MBNL1: variants seen among roughly 807,000 people sequenced by gnomAD.
MBNL1 encodes muscleblind like splicing regulator 1.
MBNL1 carries 8 observed loss-of-function variants against 42.2 expected under a neutral mutation model. The observed-to-expected ratio is 0.19, with a 90% CI of 0.11 to 0.34. The LOEUF (loss-of-function observed/expected upper bound fraction) is 0.34, where lower values mean the gene tolerates loss of function less well. Ranked by LOEUF, MBNL1 falls within the 10% of genes least tolerant of loss-of-function variation. The pLI is 1.00. For synonymous variants in MBNL1, 169 were observed against 173.9 expected (o/e 0.97, Z 0.22); for missense variants, 309 against 495.3 (o/e 0.62, Z 3.57).
chr3:152,425,523 G>A (rs1376986013), intron 3 of MBNL1, among the ~76,000 whole-genome samples: 2 of 151,842 alleles, frequency 1.3e-5, no homozygotes, highest in African/African-American at 2.4e-5. Context: ...CAAGAGAATC[G>A]CTTGAACCTG....
intron 3 of MBNL1, among the ~76,000 whole-genome samples, chr3:152,418,306 G>A (rs2098736614): frequency 6.6e-6 from 1 of 152,102 alleles, no homozygotes; most frequent in Non-Finnish European, 1.5e-5. Context: ...TCTGCTTTTG[G>A]CACTCATGAT....
chr3:152,345,045 T>C (rs2094002596), intron 2 of MBNL1, among the ~76,000 whole-genome samples: 1 of 152,170 alleles, frequency 6.6e-6, no homozygotes, highest in South Asian at 2.1e-4. Context: ...GCATACCATT[T>C]GGGCATGAAA....
Position 152,445,327 on chromosome 3 carries a change from G to A in MBNL1, c.595G>A (p.Asp199Asn). ...QRGNCNRGENDCRFAHPADST... is the reference protein window; with the variant it reads ...QRGNCNRGENNCRFAHPADST... ...TGGCAATTGCAACCGAGGAGAAAAT[G>A]ATTGTCGGTTTGCTCATCCTGCTGA... Residue 199 changes from aspartate to asparagine, a missense_variant, in exon 5 of 10, where the codon GAT (aspartate) becomes AAT (asparagine). Asp to Asn is a conservative substitution (Grantham distance 23, BLOSUM62 1). Transcript: ENST00000324210. 6.2e-7 allele frequency: 1 copy of A among 1,614,088 alleles called. No homozygotes were observed. Among genetic ancestry groups the A allele is most frequent in the Non-Finnish European group, 8.5e-7 (1 of 1,179,946 alleles).
chr3:152,266,351 CA>C (rs3840486), upstream of MBNL1: 69,541 of 151,846 alleles, frequency 0.46, 17,307 homozygotes, highest in South Asian at 0.58. Context: ...TCTCAGTTTC[CA>C]TTTCTCTTTT....
chr3:152,284,474 CA>C (rs2050367550), intron 1 of MBNL1, among the ~76,000 whole-genome samples: 1 of 152,036 alleles, frequency 6.6e-6, no homozygotes. Flanking sequence ...TATGTCATTT[CA>C]AACCCTCAGT....
intron 2 of MBNL1, among the ~76,000 whole-genome samples, chr3:152,341,243 G>C (rs995245459): frequency 2.6e-5 from 4 of 152,134 alleles, no homozygotes; most frequent in Non-Finnish European, 5.9e-5. Flanking sequence ...CAAGCTAGTG[G>C]TTAGCATTAT....
intron 2 of MBNL1, among the ~76,000 whole-genome samples, chr3:152,303,524 C>T (rs1419043659): frequency 1.3e-5 from 2 of 152,052 alleles, no homozygotes; most frequent in Non-Finnish European, 2.9e-5. Flanking sequence ...TTATGTTCCC[C>T]TATGGCTTGT....
upstream of MBNL1, chr3:152,268,474 G>A (rs1315661065): frequency 3.2e-6 from 1 of 308,726 alleles, no homozygotes. Flanking sequence ...TAACCTTGCC[G>A]GCTTCCTTGC....
At position 152,299,771 on chromosome 3, in the gene MBNL1, G is replaced by C; in HGVS notation, c.-423G>C. ...AACTCCATTGCAAATTCAGCTGTGAGGAGATTCCCTTTCAGACAACTTTGC... is the reference window on the plus strand; with the variant it reads ...AACTCCATTGCAAATTCAGCTGTGACGAGATTCCCTTTCAGACAACTTTGC... On this transcript the variant is annotated 5_prime_UTR_variant, in exon 2 of 10. Coordinates refer to ENST00000324210, the MANE Select transcript of MBNL1 (RefSeq NM_021038.5). 1 of 401,498 alleles carries C rather than the reference G, an allele frequency of 2.5e-6. No individual in the cohort carries two copies. The highest frequency in any genetic ancestry group is 4.4e-6 in the Non-Finnish European group (1 of 228,012). 24.9% of individuals were successfully genotyped at this position (401,498 alleles called of 1,614,324 possible).
rs1010206005 is a variant in MBNL1, at chr3:152,275,226, A to G, written c.-790+6134A>G. On this transcript the variant is annotated intron_variant, in intron 1 of 9. Coordinates refer to ENST00000324210, the MANE Select transcript of MBNL1 (RefSeq NM_021038.5). ...TGACAGATACAAAGAGTTGGAGGAC[A>G]TAGGGCTTTCTGTGGGTAAGAAATG... Among the ~76,000 whole-genome samples the G allele has an allele frequency of 3.3e-5, 5 of 152,176 alleles. No homozygotes were observed. The South Asian group carries it at 1.0e-3, about 31-fold the overall frequency.
rs929680835 is a variant in MBNL1, at chr3:152,464,949, GCA to G, written c.*2586_*2587del. The G allele has an allele frequency of 6.6e-6, 1 of 152,604 alleles. No homozygotes were observed. The highest frequency in any genetic ancestry group is 2.4e-5 in the African/African-American group (1 of 41,446). 9.5% of individuals were successfully genotyped at this position (152,604 alleles called of 1,614,324 possible). On this transcript the variant is annotated 3_prime_UTR_variant, in exon 10 of 10. Transcript: ENST00000324210. ...CTGAGCAAAATTGCTTGCAAAAGTG[GCA>G]CAGAGTTAGCACTCCATACCCCTTC...
At chr3:152,345,425 G>A (rs1332028626) in intron 2 of MBNL1, among the ~76,000 whole-genome samples, 1 of 152,080 alleles carries the variant, frequency 6.6e-6, no homozygotes. Context: ...AACACCAAGA[G>A]GGGAAGTGTT....
intron 3 of MBNL1, among the ~76,000 whole-genome samples, chr3:152,425,735 A>C (rs1580214928): frequency 1.3e-5 from 2 of 152,194 alleles, no homozygotes; most frequent in East Asian, 3.8e-4. Context: ...AGAAATAGGA[A>C]TGCTTTTACA....
intron 2 of MBNL1, among the ~76,000 whole-genome samples, chr3:152,376,712 A>G (rs1461093282): frequency 1.3e-5 from 2 of 152,166 alleles, no homozygotes; most frequent in Non-Finnish European, 2.9e-5. Context: ...CAGAAGCCTC[A>G]TGTCATTAGC....
intron 4 of MBNL1, among the ~76,000 whole-genome samples, chr3:152,433,749 CA>C (rs35614565): frequency 0.023 from 2,064 of 91,362 alleles, 25 homozygotes; most frequent in African/African-American, 0.058. Flanking sequence ...GACTCCGTCT[CA>C]AAAAAAAAAA....
chr3:152,315,422 G>A (rs1013371381), intron 2 of MBNL1, among the ~76,000 whole-genome samples: 6 of 152,180 alleles, frequency 3.9e-5, no homozygotes, highest in African/African-American at 1.4e-4. Flanking sequence ...AGCAAGATGT[G>A]TTGTGTATGT....
chr3:152,286,477 TATAAATATATTTTATTTATAATATAA>T (rs2150704453), intron 1 of MBNL1, among the ~76,000 whole-genome samples: 1 of 139,862 alleles, frequency 7.1e-6, no homozygotes, highest in Non-Finnish European at 1.6e-5. Context: ...TTATTTATAA[TATAAATATATTTTATTTATAATATAA>T]ATATTTATAT....
At chr3:152,251,847 A>T (rs2034604941) in intron 2 of MBNL1, among the ~76,000 whole-genome samples, 1 of 151,996 alleles carries the variant, frequency 6.6e-6, no homozygotes, top group Non-Finnish European at 1.5e-5. Flanking sequence ...ATTTCCTCTC[A>T]GATTTAACAT....
intron 2 of MBNL1, among the ~76,000 whole-genome samples, chr3:152,384,765 TAAAAC>T (rs1039496887): frequency 1.3e-5 from 2 of 152,160 alleles, no homozygotes; most frequent in Admixed American, 1.3e-4. Flanking sequence ...TCTTGCCTGA[TAAAAC>T]AGACATTCTT....
Sources: gnomAD v4.1 joint callset for allele counts (sites outside exome capture counted in the v4.1 genomes callset) on GRCh38, gnomAD v4.1.1 for gene constraint, MANE v1.5 for transcripts, NCBI Gene and HGNC (gene_info 2026-07-23, HGNC 2026-07-21) for gene names.